Variants in KCNB2 observed in about 807,000 individuals in gnomAD.
KCNB2 encodes potassium voltage-gated channel subfamily B member 2, also known as delayed rectifier potassium channel protein.
In KCNB2, 15 loss-of-function variants were observed where a neutral mutation model predicts 61.5. The ratio of observed to expected loss-of-function variants is 0.24; its 90% CI spans 0.16 to 0.38. The LOEUF (loss-of-function observed/expected upper bound fraction) is 0.38, where lower values mean the gene tolerates loss of function less well. KCNB2 is among the 10% of genes least tolerant of loss of function. The pLI, the probability that KCNB2 is intolerant of heterozygous loss-of-function variation, is 1.00. For missense variants in KCNB2, 828 were observed against 1,125.2 expected (o/e 0.74, Z 3.78); for synonymous variants, 457 against 446.0 (o/e 1.02, Z -0.31).
chr8:72,800,398 T>A (rs569374422), intron 2 of KCNB2, among the ~76,000 whole-genome samples: 1 of 152,188 alleles, frequency 6.6e-6, no homozygotes, highest in African/African-American at 2.4e-5. Context: ...GACTCTTGAC[T>A]ATAGACCACT....
At chr8:72,807,523 T>C (rs1809244465) in intron 2 of KCNB2, among the ~76,000 whole-genome samples, 1 of 152,240 alleles carries the variant, frequency 6.6e-6, no homozygotes, top group Non-Finnish European at 1.5e-5. Flanking sequence ...TCTTTCCTGC[T>C]TCTATCTGCC....
intron 2 of KCNB2, among the ~76,000 whole-genome samples, chr8:72,693,268 A>T (rs1253998463): frequency 1.3e-5 from 2 of 152,160 alleles, no homozygotes; most frequent in African/African-American, 4.8e-5. Flanking sequence ...TGAACTTCCC[A>T]CAGCACTTTT....
At chr8:72,726,399 C>T (rs750488232) in intron 2 of KCNB2, among the ~76,000 whole-genome samples, 19 of 152,210 alleles carry the variant, frequency 1.2e-4, no homozygotes, top group Non-Finnish European at 2.1e-4. Flanking sequence ...CCCATGCTGA[C>T]GCAGACCAAT....
At chr8:72,798,290 TC>T (rs1809063679) in intron 2 of KCNB2, among the ~76,000 whole-genome samples, 1 of 152,188 alleles carries the variant, frequency 6.6e-6, no homozygotes, top group Non-Finnish European at 1.5e-5. Context: ...TCTCTGCATC[TC>T]AATGATTTTG....
intron 2 of KCNB2, among the ~76,000 whole-genome samples, chr8:72,690,416 T>C (rs1420033588): frequency 2.0e-5 from 3 of 152,252 alleles, no homozygotes; most frequent in African/African-American, 7.2e-5. Context: ...GTAGACCAAT[T>C]GAGGATCCCT....
At chr8:72,692,280 A>C (rs1193364261) in intron 2 of KCNB2, among the ~76,000 whole-genome samples, 3 of 151,232 alleles carry the variant, frequency 2.0e-5, no homozygotes, top group Non-Finnish European at 4.4e-5. Context: ...TATTTTGTAC[A>C]TCTTTGTCTG....
At chr8:72,688,430 C>A (rs1806889272) in intron 2 of KCNB2, among the ~76,000 whole-genome samples, 1 of 152,032 alleles carries the variant, frequency 6.6e-6, no homozygotes. Flanking sequence ...TAGCTAATTC[C>A]TGCTTAACCT....
rs112412928 is a variant in KCNB2, at chr8:72,918,189, A to G, written c.580-17746A>G. On this transcript the variant is annotated intron_variant, in intron 2 of 2. Coordinates refer to ENST00000523207, the MANE Select transcript of KCNB2 (RefSeq NM_004770.3). ...TGTGGTACCTGACAATCTCCCAACC[A>G]TATCATTAGGATGAGAACTTTAAAG... Among the ~76,000 whole-genome samples, 1,021 of 152,312 alleles carry G rather than the reference A, an allele frequency of 6.7e-3. 14 individuals are homozygous for G. The highest frequency in any genetic ancestry group is 0.023 in the African/African-American group (976 of 41,566).
chr8:72,684,618 T>C (rs1201819683), intron 2 of KCNB2, among the ~76,000 whole-genome samples: 1 of 152,222 alleles, frequency 6.6e-6, no homozygotes, highest in Non-Finnish European at 1.5e-5. Flanking sequence ...GATTCAATTA[T>C]GTCCTTTTCT....
At chr8:72,575,884 T>A (rs991005993) in intron 2 of KCNB2, among the ~76,000 whole-genome samples, 1 of 152,186 alleles carries the variant, frequency 6.6e-6, no homozygotes, top group South Asian at 2.1e-4. Flanking sequence ...TTTTAAAGAG[T>A]TTGAAATTCA....
intron 2 of KCNB2, among the ~76,000 whole-genome samples, chr8:72,930,327 G>A (rs1050936468): frequency 2.0e-5 from 3 of 151,894 alleles, no homozygotes; most frequent in African/African-American, 7.3e-5. Context: ...TAATGGGATG[G>A]CTGGGTCAAA....
intron 2 of KCNB2, among the ~76,000 whole-genome samples, chr8:72,687,742 A>G (rs1806874187): frequency 6.6e-6 from 1 of 152,206 alleles, no homozygotes; most frequent in South Asian, 2.1e-4. Context: ...TATTCTAGAA[A>G]GATAAAAGAG....
intron 2 of KCNB2, among the ~76,000 whole-genome samples, chr8:72,804,734 C>A (rs968370845): frequency 1.3e-5 from 2 of 152,146 alleles, no homozygotes; most frequent in African/African-American, 4.8e-5. Flanking sequence ...CCTCATTGAG[C>A]AAACACTATT....
chr8:72,576,906 GCA>G (rs1428221398), intron 2 of KCNB2, among the ~76,000 whole-genome samples: 1 of 152,132 alleles, frequency 6.6e-6, no homozygotes, highest in Admixed American at 6.5e-5. Flanking sequence ...GTAGTAACTG[GCA>G]CAGAGGCAGG....
At chr8:72,756,453 T>A (rs1037532350) in intron 2 of KCNB2, among the ~76,000 whole-genome samples, 9 of 152,336 alleles carry the variant, frequency 5.9e-5, no homozygotes, top group African/African-American at 1.9e-4. Flanking sequence ...TTTAGACCCA[T>A]GGTTCTTGAC....
intron 2 of KCNB2, among the ~76,000 whole-genome samples, chr8:72,587,424 CA>C (rs1807016980): frequency 6.6e-6 from 1 of 152,084 alleles, no homozygotes; most frequent in Admixed American, 6.6e-5. Flanking sequence ...AGTCTTAGTC[CA>C]AATATTGAAA....
intron 2 of KCNB2, among the ~76,000 whole-genome samples, chr8:72,777,471 C>T (rs1018705562): frequency 6.6e-6 from 1 of 152,158 alleles, no homozygotes; most frequent in African/African-American, 2.4e-5. Flanking sequence ...CACAGGAAGT[C>T]AGGGGCCTAA....
At chr8:72,780,404 C>T (rs1808734122) in intron 2 of KCNB2, among the ~76,000 whole-genome samples, 2 of 152,106 alleles carry the variant, frequency 1.3e-5, no homozygotes, top group African/African-American at 4.8e-5. Flanking sequence ...TTAATATTGT[C>T]ATGTAGAAAG....
chr8:72,637,708 T>C (rs1373918596), intron 2 of KCNB2, among the ~76,000 whole-genome samples: 1 of 152,078 alleles, frequency 6.6e-6, no homozygotes. Context: ...TCCATGCAAA[T>C]CACATTTAAC....
Sources: gnomAD v4.1 joint callset for allele counts (sites outside exome capture counted in the v4.1 genomes callset) on GRCh38, gnomAD v4.1.1 for gene constraint, MANE v1.5 for transcripts, NCBI Gene and HGNC (gene_info 2026-07-23, HGNC 2026-07-21) for gene names.